The following SLC8A1 variants were observed in gnomAD, a reference collection of about 807,000 sequenced individuals.
SLC8A1 encodes the protein sodium/calcium exchanger 1.
Under a neutral mutation model 68.3 loss-of-function variants are expected in SLC8A1, and 18 were observed. The observed-to-expected ratio is 0.26, with a 90% CI of 0.18 to 0.39. SLC8A1 has a LOEUF of 0.39. Ranked by LOEUF, SLC8A1 falls within the 10% of genes least tolerant of loss-of-function variation. SLC8A1 has a pLI of 1.00. For synonymous variants in SLC8A1, 475 were observed against 415.5 expected (o/e 1.14, Z -1.74); for missense variants, 985 against 1,156.7 (o/e 0.85, Z 2.15).
intron 1 of SLC8A1, among the ~76,000 whole-genome samples, chr2:40,473,027 G>C (rs1169352058): frequency 6.6e-6 from 1 of 150,612 alleles, no homozygotes; most frequent in Admixed American, 6.6e-5. Flanking sequence ...GGTAACCTGA[G>C]AGCAGCGCTG....
At chr2:40,177,901 C>G (rs563758227) in intron 2 of SLC8A1, 2 of 1,246,868 alleles carry the variant, frequency 1.6e-6, no homozygotes, top group Admixed American at 2.0e-5. Flanking sequence ...TGGAGTCACA[C>G]GCTCATGCTC....
At chr2:40,161,152 T>A (rs1352528599) in intron 5 of SLC8A1, among the ~76,000 whole-genome samples, 1 of 152,150 alleles carries the variant, frequency 6.6e-6, no homozygotes, top group South Asian at 2.1e-4. Flanking sequence ...AGCCCATCCA[T>A]CCCCCTGAAT....
At chr2:40,246,931 A>T (rs1479924948) in intron 2 of SLC8A1, among the ~76,000 whole-genome samples, 1 of 99,284 alleles carries the variant, frequency 1.0e-5, no homozygotes, top group Non-Finnish European at 2.2e-5. Flanking sequence ...ACTCTAACAT[A>T]TTTCTGCTAA....
intron 2 of SLC8A1, among the ~76,000 whole-genome samples, chr2:40,361,824 T>C (rs1674707151): frequency 6.6e-6 from 1 of 150,660 alleles, no homozygotes; most frequent in South Asian, 2.1e-4. Flanking sequence ...TATTATGCAC[T>C]GAAATGCATA....
At chr2:40,309,809 A>G (rs901525305) in intron 2 of SLC8A1, among the ~76,000 whole-genome samples, 20 of 151,978 alleles carry the variant, frequency 1.3e-4, no homozygotes, top group Admixed American at 7.9e-4. Flanking sequence ...CATCCTAACC[A>G]TTTTTTATTG....
At chr2:40,253,113 G>C (rs1468607816) in intron 2 of SLC8A1, among the ~76,000 whole-genome samples, 1 of 107,130 alleles carries the variant, frequency 9.3e-6, no homozygotes, top group Non-Finnish European at 1.8e-5. Context: ...ATATATACGT[G>C]TATACATATA....
chr2:40,212,820 G>C (rs1454357873), intron 2 of SLC8A1, among the ~76,000 whole-genome samples: 1 of 152,200 alleles, frequency 6.6e-6, no homozygotes, highest in Non-Finnish European at 1.5e-5. Flanking sequence ...TTGTGCAACA[G>C]TGCTGCCTTC....
chr2:40,289,088 G>A (rs983928020), intron 2 of SLC8A1, among the ~76,000 whole-genome samples: 3 of 151,142 alleles, frequency 2.0e-5, no homozygotes, highest in Admixed American at 2.0e-4. Context: ...GCTAAAATAC[G>A]ATGACTGATT....
At chr2:40,507,435 G>A (rs1312791756) in intron 1 of SLC8A1, among the ~76,000 whole-genome samples, 1 of 151,794 alleles carries the variant, frequency 6.6e-6, no homozygotes, top group South Asian at 2.1e-4. Flanking sequence ...TTATAGAGTT[G>A]GTATTCACAA....
At chr2:40,189,012 A>G (rs539860377) in intron 2 of SLC8A1, among the ~76,000 whole-genome samples, 2 of 152,356 alleles carry the variant, frequency 1.3e-5, no homozygotes, top group African/African-American at 4.8e-5. Context: ...ACAAGAGAAT[A>G]GGACCTTAGG....
At chr2:40,166,032 G>T (rs994756624) in intron 4 of SLC8A1, among the ~76,000 whole-genome samples, 1 of 152,186 alleles carries the variant, frequency 6.6e-6, no homozygotes, top group Admixed American at 6.5e-5. Flanking sequence ...CTCATTTCTA[G>T]GACCTCTGGA....
intron 2 of SLC8A1, among the ~76,000 whole-genome samples, chr2:40,206,929 A>T (rs1013428174): frequency 2.6e-5 from 4 of 152,072 alleles, no homozygotes; most frequent in African/African-American, 9.7e-5. Flanking sequence ...CATGTGGAAA[A>T]AACAGGCATT....
chr2:40,142,564 T>C (rs2041781960), intron 6 of SLC8A1, among the ~76,000 whole-genome samples: 1 of 152,190 alleles, frequency 6.6e-6, no homozygotes. Flanking sequence ...ACAAAATTAC[T>C]TAATTTGGGG....
chr2:40,448,513 T>C (rs555095771), intron 1 of SLC8A1, among the ~76,000 whole-genome samples: 27 of 152,262 alleles, frequency 1.8e-4, no homozygotes, highest in South Asian at 1.5e-3. Flanking sequence ...AATACCTTCG[T>C]TTAAAAAGAA....
chr2:40,303,022 G>C (rs746810700), intron 2 of SLC8A1, among the ~76,000 whole-genome samples: 8 of 152,146 alleles, frequency 5.3e-5, no homozygotes, highest in Non-Finnish European at 1.0e-4. Flanking sequence ...GAAAACCAAT[G>C]AGACATTTTC....
At chr2:40,237,914 C>T (rs1456045608) in intron 2 of SLC8A1, among the ~76,000 whole-genome samples, 1 of 144,828 alleles carries the variant, frequency 6.9e-6, no homozygotes, top group African/African-American at 2.6e-5. Flanking sequence ...AGTTAGGCTG[C>T]TCGGGGGTCA....
intron 6 of SLC8A1, among the ~76,000 whole-genome samples, chr2:40,149,213 T>C (rs975542221): frequency 6.6e-6 from 1 of 152,246 alleles, no homozygotes; most frequent in Non-Finnish European, 1.5e-5. Flanking sequence ...GTTGGAAGAC[T>C]GACTTTATTA....
At chr2:40,477,412 C>G (rs1466285011) in intron 1 of SLC8A1, among the ~76,000 whole-genome samples, 1 of 152,170 alleles carries the variant, frequency 6.6e-6, no homozygotes, top group Non-Finnish European at 1.5e-5. Flanking sequence ...TCCACCTACT[C>G]CTTCTCCCAG....
chr2:40,256,595 T>C (rs1384364062), intron 2 of SLC8A1, among the ~76,000 whole-genome samples: 2 of 152,234 alleles, frequency 1.3e-5, no homozygotes, highest in East Asian at 1.9e-4. Context: ...GGACACATTA[T>C]TGCTCCATAA....
Sources: gnomAD v4.1 joint callset for allele counts (sites outside exome capture counted in the v4.1 genomes callset) on GRCh38, gnomAD v4.1.1 for gene constraint, MANE v1.5 for transcripts, NCBI Gene and HGNC (gene_info 2026-07-23, HGNC 2026-07-21) for gene names.